ZMYND8: variants seen among roughly 807,000 people sequenced by gnomAD.
ZMYND8 encodes the protein MYND-type zinc finger-containing chromatin reader ZMYND8.
Under a neutral mutation model 140.8 loss-of-function variants are expected in ZMYND8, and 37 were observed. The observed-to-expected ratio is 0.26, with a 90% CI of 0.20 to 0.35. ZMYND8 has a LOEUF of 0.35. Among genes scored for constraint, ZMYND8 ranks in the 10% least tolerant of loss-of-function variants. ZMYND8 has a pLI of 1.00. For missense variants in ZMYND8, 1,068 were observed against 1,570.0 expected (o/e 0.68, Z 5.40); for synonymous variants, 592 against 597.1 (o/e 0.99, Z 0.12).
intron 2 of ZMYND8, among the ~76,000 whole-genome samples, chr20:47,313,964 G>A (rs1208469697): frequency 1.3e-5 from 2 of 151,994 alleles, no homozygotes; most frequent in Non-Finnish European, 2.9e-5. Flanking sequence ...AGTGTATCTA[G>A]CACCATTAAT....
chr20:47,287,352 T>C (rs2076985263), intron 7 of ZMYND8, 68 bp from the exon 8 acceptor site: 3 of 1,316,678 alleles, frequency 2.3e-6, no homozygotes, highest in Admixed American at 1.7e-5. Flanking sequence ...GGGACTTTAC[T>C]TCCGCTAACA....
At chr20:47,232,912 T>G (rs998841094) in intron 16 of ZMYND8, among the ~76,000 whole-genome samples, 2 of 148,052 alleles carry the variant, frequency 1.4e-5, no homozygotes, top group Non-Finnish European at 3.0e-5. Flanking sequence ...TTTTGTTTTT[T>G]TTTTTTTTTG....
rs532340411 is a variant in ZMYND8 at position 47,298,410 on chromosome 20, G to A, written c.453+319C>T. 1.0e-6 allele frequency: 1 copy of A among 985,392 alleles called. No individual in the cohort carries two copies. Among genetic ancestry groups the A allele is most frequent in the Non-Finnish European group, 1.2e-6 (1 of 829,928 alleles). 61.0% of individuals were successfully genotyped at this position (985,392 alleles called of 1,614,324 possible). A position where few individuals can be genotyped will look rare whatever the true frequency, so the allele number is the denominator to read the frequency against. ...AGAATGAGATCTTTTCAAAATGTGT[G>A]AGCCGTTCATGATTTGGGAGTTAAC... On this transcript the variant is annotated intron_variant, in intron 4 of 22. Transcript: ENST00000471951. The surrounding 1 kb of genome is among the most constrained non-coding windows in gnomAD (Gnocchi z 5.0).
At chr20:47,245,063 C>T (rs548001704) in intron 14 of ZMYND8, among the ~76,000 whole-genome samples, 1 of 151,970 alleles carries the variant, frequency 6.6e-6, no homozygotes, top group Admixed American at 6.6e-5. Flanking sequence ...GTCCGCCCCC[C>T]CTCCCCAAAA....
intron 12 of ZMYND8, among the ~76,000 whole-genome samples, chr20:47,255,766 G>C (rs1051023328): frequency 1.8e-4 from 7 of 39,834 alleles, no homozygotes; most frequent in African/African-American, 5.1e-4. Context: ...ATATATATAC[G>C]GTATATATAT....
chr20:47,296,762 C>A (rs534527425), intron 4 of ZMYND8, among the ~76,000 whole-genome samples: 1 of 151,774 alleles, frequency 6.6e-6, no homozygotes, highest in South Asian at 2.1e-4. Context: ...TCAAGACCAG[C>A]CTAGGTAACA....
intron 2 of ZMYND8, among the ~76,000 whole-genome samples, chr20:47,346,831 C>T (rs778619706): frequency 1.3e-5 from 2 of 152,216 alleles, no homozygotes; most frequent in African/African-American, 2.4e-5. Context: ...TGGTCTCGAA[C>T]GCCTGACCTC....
chr20:47,337,595 T>C lies in ZMYND8; in HGVS notation c.85+10261A>G, dbSNP rs139087386. ...ATCTGAGCCTCAGTTTCCTTAACTGTAAAATGGGAATGACACACCCACATC... is the reference window on the plus strand; with the variant it reads ...ATCTGAGCCTCAGTTTCCTTAACTGCAAAATGGGAATGACACACCCACATC... On this transcript the variant is annotated intron_variant, in intron 2 of 22. Coordinates refer to ENST00000471951, the MANE Select transcript of ZMYND8 (RefSeq NM_001281775.3). 3.7e-3 allele frequency among the ~76,000 whole-genome samples: 558 copies of C among 152,200 alleles called. 5 individuals are homozygous for C. The highest frequency in any genetic ancestry group is 0.013 in the African/African-American group (521 of 41,524).
At chr20:47,254,811 C>T (rs1211191111) in intron 12 of ZMYND8, among the ~76,000 whole-genome samples, 1 of 152,072 alleles carries the variant, frequency 6.6e-6, no homozygotes, top group Non-Finnish European at 1.5e-5. Flanking sequence ...CTATTAGCAC[C>T]TACACACCAG....
At chr20:47,240,371 G>A (rs1416096609) in intron 14 of ZMYND8, among the ~76,000 whole-genome samples, 8 of 151,682 alleles carry the variant, frequency 5.3e-5, no homozygotes, top group South Asian at 2.1e-4. Flanking sequence ...AAAAATAGCC[G>A]GGTGCGGTGG....
At chr20:47,222,050 C>G (rs762517692) in intron 19 of ZMYND8, among the ~76,000 whole-genome samples, 1 of 151,994 alleles carries the variant, frequency 6.6e-6, no homozygotes, top group African/African-American at 2.4e-5. Context: ...ACAAATAAAG[C>G]CCATCAACAA....
intron 12 of ZMYND8, among the ~76,000 whole-genome samples, chr20:47,261,268 G>A (rs562799116): frequency 2.0e-5 from 3 of 152,174 alleles, no homozygotes; most frequent in African/African-American, 7.2e-5. Context: ...CAGGTGCAGT[G>A]ACTTATGCCT....
Position 47,262,291 on chromosome 20 carries a change from G to A in ZMYND8, c.1618C>T (p.Leu540=). 6.2e-7 allele frequency: 1 copy of A among 1,614,080 alleles called. No homozygotes were observed. Among genetic ancestry groups the A allele is most frequent in the Non-Finnish European group, 8.5e-7 (1 of 1,180,016 alleles). The change falls in exon 12 of 23, where the codon CTG becomes TTG. Residue 540 remains leucine, a synonymous_variant. Transcript: ENST00000471951. ...STTGSILNLN[L]DRSKAEMDLK... ...ACTGGCAAAAATTCTGACTGACCCA[G>A]GTTAAGATTCAGGATGCTGCCGGTG...
chr20:47,286,313 G>T (rs2076920597), intron 8 of ZMYND8, among the ~76,000 whole-genome samples: 1 of 151,908 alleles, frequency 6.6e-6, no homozygotes, highest in Non-Finnish European at 1.5e-5. Flanking sequence ...AGTTTAGCTA[G>T]GATTACAGGC....
chr20:47,238,494 TA>T, intron 15 of ZMYND8: 1 of 569,156 alleles, frequency 1.8e-6, no homozygotes, highest in Non-Finnish European at 3.1e-6. Context: ...GACTTTTATG[TA>T]AAACTTTCTG....
At chr20:47,279,800 C>T (rs1394623778) in intron 10 of ZMYND8, among the ~76,000 whole-genome samples, 1 of 150,852 alleles carries the variant, frequency 6.6e-6, no homozygotes, top group African/African-American at 2.4e-5. Context: ...TAAAATATTT[C>T]CTATATTTTT....
intron 21 of ZMYND8, among the ~76,000 whole-genome samples, chr20:47,215,096 G>A (rs2035884474): frequency 6.6e-6 from 1 of 152,166 alleles, no homozygotes; most frequent in South Asian, 2.1e-4. Context: ...ATGTCGGCCA[G>A]GCATGGTGGC....
At chr20:47,318,794 C>CT in intron 2 of ZMYND8, 1 of 519,834 alleles carries the variant, frequency 1.9e-6, no homozygotes, top group Non-Finnish European at 3.5e-6. Context: ...ACAGGAACTT[C>CT]TCATCCAGAG....
chr20:47,253,431 G>A (rs537009948), intron 12 of ZMYND8, among the ~76,000 whole-genome samples: 9 of 151,804 alleles, frequency 5.9e-5, no homozygotes, highest in Admixed American at 1.3e-4. Flanking sequence ...CAGCTGCTTC[G>A]GAAGCTGAGG....
Sources: allele counts gnomAD v4.1 joint callset (sites outside exome capture counted in the v4.1 genomes callset), GRCh38; gene constraint gnomAD v4.1.1; non-coding constraint Gnocchi (gnomAD v3.1); transcripts MANE v1.5; gene names NCBI Gene and HGNC (gene_info 2026-07-23, HGNC 2026-07-21).